Variants in FRMD4B observed in about 807,000 individuals in gnomAD.
FRMD4B encodes FERM domain-containing protein 4B.
In FRMD4B, 74 loss-of-function variants were observed where a neutral mutation model predicts 141.5. The ratio of observed to expected loss-of-function variants is 0.52; its 90% CI spans 0.43 to 0.63. The LOEUF (loss-of-function observed/expected upper bound fraction) is 0.63, where lower values mean the gene tolerates loss of function less well. Ranked by LOEUF, FRMD4B falls within the 30% of genes least tolerant of loss-of-function variation. FRMD4B has a pLI of 0.00. For missense variants in FRMD4B, 1,366 were observed against 1,253.4 expected (o/e 1.09, Z -1.36); for synonymous variants, 506 against 467.9 (o/e 1.08, Z -1.05).
At chr3:69,192,375 C>T (rs747523661) in intron 17 of FRMD4B, among the ~76,000 whole-genome samples, 6 of 151,726 alleles carry the variant, frequency 4.0e-5, no homozygotes, top group Non-Finnish European at 8.8e-5. Context: ...GATCCTGTCT[C>T]AAAAAGACAA....
At chr3:69,265,448 C>CTT (rs560029423) in intron 5 of FRMD4B, among the ~76,000 whole-genome samples, 18,289 of 93,554 alleles carry the variant, frequency 0.2, 2,999 homozygotes, top group East Asian at 0.3. Context: ...TTTATTTGTC[C>CTT]TTTTTTTTTT....
At chr3:69,442,061 G>T (rs568387547) in intron 1 of FRMD4B, among the ~76,000 whole-genome samples, 1 of 151,226 alleles carries the variant, frequency 6.6e-6, no homozygotes, top group South Asian at 2.1e-4. Context: ...ATCTATCTCA[G>T]ATTACACAAT....
chr3:69,212,577 T>C (rs978947486), intron 11 of FRMD4B, among the ~76,000 whole-genome samples: 4 of 152,106 alleles, frequency 2.6e-5, no homozygotes, highest in African/African-American at 4.8e-5. Context: ...CAAGAAGTAT[T>C]TGCCAATTTC....
At chr3:69,466,888 GTCAGGGTC>G (rs1292204047) in intron 1 of FRMD4B, among the ~76,000 whole-genome samples, 1 of 151,990 alleles carries the variant, frequency 6.6e-6, no homozygotes, top group East Asian at 1.9e-4. Flanking sequence ...TTTTTGTAGA[GTCAGGGTC>G]TCACCATGTT....
At chr3:69,235,177 T>TAA (rs1409152509) in intron 7 of FRMD4B, among the ~76,000 whole-genome samples, 2 of 130,768 alleles carry the variant, frequency 1.5e-5, no homozygotes, top group South Asian at 2.4e-4. Context: ...ATAATAATAA[T>TAA]AATAATAATA....
At chr3:69,484,981 G>GC (rs368874279) in intron 1 of FRMD4B, among the ~76,000 whole-genome samples, 13 of 152,070 alleles carry the variant, frequency 8.5e-5, no homozygotes, top group African/African-American at 2.2e-4. Context: ...GCTTCTCTGG[G>GC]CCCCCCCACC....
At chr3:69,523,054 C>A (rs1475033840) in intron 1 of FRMD4B, among the ~76,000 whole-genome samples, 1 of 147,430 alleles carries the variant, frequency 6.8e-6, no homozygotes, top group African/African-American at 2.5e-5. Flanking sequence ...AAGCAAAATA[C>A]AAGAAGTGTT....
rs569576962 is a variant in FRMD4B, at chr3:69,257,285, C to T, written c.502-7186G>A. 8.0e-4 allele frequency among the ~76,000 whole-genome samples: 122 copies of T among 152,298 alleles called. 1 individual carries two copies. The highest frequency in any genetic ancestry group is 2.8e-3 in the African/African-American group (116 of 41,554). On this transcript the variant is annotated intron_variant, in intron 5 of 22. Transcript: ENST00000398540. The stretch of plus-strand genomic sequence containing the variant: ...TTGAAAAACAATATAAGTAACAACC[C>T]TCAGAACTCATTATTTTAATACTTC...
At chr3:69,416,152 G>A (rs962536101) in intron 2 of FRMD4B, among the ~76,000 whole-genome samples, 1 of 152,200 alleles carries the variant, frequency 6.6e-6, no homozygotes, top group African/African-American at 2.4e-5. Context: ...GTGGTTCTGA[G>A]TAATGCATTT....
rs149176374 is a variant in FRMD4B, at chr3:69,531,059, C to T, written c.-129+11147G>A. Among the ~76,000 whole-genome samples, 16 of 152,244 alleles carry T rather than the reference C, an allele frequency of 1.1e-4. No homozygotes were observed. In the East Asian group the frequency reaches 2.9e-3, roughly 28 times the overall value. On this transcript the variant is annotated intron_variant, in intron 1 of 5. Transcript: ENST00000459638. ...GACATGGATGCAAATCTCAACTCTA[C>T]CACTTACTACTTATCCCTTAAACTT...
At chr3:69,275,163 T>A (rs574830855) in intron 5 of FRMD4B, among the ~76,000 whole-genome samples, 1 of 152,290 alleles carries the variant, frequency 6.6e-6, no homozygotes, top group East Asian at 1.9e-4. Flanking sequence ...AAGAAATATG[T>A]CAAAATAATA....
intron 1 of FRMD4B, among the ~76,000 whole-genome samples, chr3:69,481,200 A>G (rs539120370): frequency 6.6e-6 from 1 of 152,156 alleles, no homozygotes; most frequent in Non-Finnish European, 1.5e-5. Context: ...CAGCTTGCGC[A>G]CGGTGTGCTG....
In FRMD4B at chr3:69,190,608, G is replaced by C. The variant is rs971783699; in HGVS notation, c.1715-656C>G. On this transcript the variant is annotated intron_variant, in intron 17 of 22. Coordinates refer to ENST00000398540, the MANE Select transcript of FRMD4B (RefSeq NM_015123.3). ...TTTTTGGATTTTTAGTAAAGATCAG[G>C]TATCACCATTTGGCCAGGCTGGTCT... Among the ~76,000 whole-genome samples the C allele has an allele frequency of 3.9e-4, 59 of 152,076 alleles. 1 individual carries two copies. The highest frequency in any genetic ancestry group is 1.8e-4 in the Non-Finnish European group (12 of 68,034).
At chr3:69,479,973 A>G (rs1308501722) in intron 1 of FRMD4B, among the ~76,000 whole-genome samples, 1 of 151,942 alleles carries the variant, frequency 6.6e-6, no homozygotes, top group Non-Finnish European at 1.5e-5. Flanking sequence ...TCCATCACTG[A>G]TACCCTTTCT....
chr3:69,191,711 C>T (rs2092839784), intron 17 of FRMD4B, among the ~76,000 whole-genome samples: 1 of 152,212 alleles, frequency 6.6e-6, no homozygotes, highest in African/African-American at 2.4e-5. Flanking sequence ...CATACTTTCA[C>T]TGTAAAGGAG....
intron 1 of FRMD4B, among the ~76,000 whole-genome samples, chr3:69,321,401 G>A (rs995987007): frequency 3.3e-5 from 5 of 151,962 alleles, no homozygotes; most frequent in Non-Finnish European, 5.9e-5. Flanking sequence ...TGACCTTTTC[G>A]AAAGCCTAGT....
chr3:69,541,686 T>C (rs1016188503), intron 1 of FRMD4B, among the ~76,000 whole-genome samples: 2 of 152,156 alleles, frequency 1.3e-5, no homozygotes, highest in Non-Finnish European at 2.9e-5. Flanking sequence ...GCTATTCACA[T>C]GCACACTGCC....
chr3:69,374,086 G>C (rs1488224748), intron 1 of FRMD4B, among the ~76,000 whole-genome samples: 1 of 152,100 alleles, frequency 6.6e-6, no homozygotes, highest in East Asian at 1.9e-4. Context: ...CTTAAATCCT[G>C]GTCAGAGTTT....
intron 1 of FRMD4B, among the ~76,000 whole-genome samples, chr3:69,314,500 T>C (rs1701740035): frequency 6.6e-6 from 1 of 150,878 alleles, no homozygotes; most frequent in Non-Finnish European, 1.5e-5. Context: ...TACACTACAG[T>C]TTGAGTGACA....
Sources: gnomAD v4.1 joint callset for allele counts (sites outside exome capture counted in the v4.1 genomes callset) on GRCh38, gnomAD v4.1.1 for gene constraint, MANE v1.5 for transcripts, NCBI Gene and HGNC (gene_info 2026-07-23, HGNC 2026-07-21) for gene names.